MYH14: variants seen among roughly 807,000 people sequenced by gnomAD.
The protein encoded by MYH14 is myosin heavy chain 14.
MYH14 carries 123 observed loss-of-function variants against 255.5 expected under a neutral mutation model. The ratio of observed to expected loss-of-function variants is 0.48; its 90% CI spans 0.42 to 0.56. The LOEUF (loss-of-function observed/expected upper bound fraction) is 0.56, where lower values mean the gene tolerates loss of function less well. MYH14 is among the 20% of genes least tolerant of loss of function. MYH14 has a pLI of 0.00. For synonymous variants in MYH14, 1,095 were observed against 1,161.2 expected (o/e 0.94, Z 1.16); for missense variants, 2,423 against 2,802.3 (o/e 0.86, Z 3.06).
At chr19:50,209,282 C>T (rs376103189) in intron 1 of MYH14, among the ~76,000 whole-genome samples, 3 of 152,098 alleles carry the variant, frequency 2.0e-5, no homozygotes, top group Admixed American at 2.0e-4. Context: ...GTGGACAGCC[C>T]GGGGCTAGAA....
chr19:50,291,165 G>A (rs543147796), intron 36 of MYH14, 117 bp downstream of exon 36: 185 of 871,908 alleles, frequency 2.1e-4, no homozygotes, highest in Non-Finnish European at 2.9e-4. Context: ...GGCAGCATCC[G>A]CATGGGTCAG....
intron 17 of MYH14, among the ~76,000 whole-genome samples, chr19:50,256,152 G>A (rs920732332): frequency 5.3e-5 from 8 of 151,898 alleles, no homozygotes; most frequent in Non-Finnish European, 1.2e-4. Context: ...GGTGGTGTGC[G>A]CCTGTAGTCC....
rs745953192 is a variant in MYH14 at position 50,244,321 on chromosome 19, C to T, written c.1194C>T (p.Thr398=). The T allele has an allele frequency of 6.2e-7, 1 of 1,613,594 alleles. No homozygotes were observed. The highest frequency in any genetic ancestry group is 1.3e-5 in the African/African-American group (1 of 75,002). Residue 398 remains threonine, a synonymous_variant, in exon 11 of 43, where the codon ACC becomes ACT. Transcript: ENST00000642316. ...GAGAACGGAACACCGATCAAGCCACCATGCCTGACAACACAGGTACTGCCC... is the reference window on the plus strand; with the variant it reads ...GAGAACGGAACACCGATCAAGCCACTATGCCTGACAACACAGGTACTGCCC... ...LKRERNTDQA[T]MPDNTAAQKL...
rs1191592686 is a variant in MYH14, at chr19:50,252,753, G to A, written c.1945G>A (p.Glu649Lys). 4.4e-6 allele frequency: 7 copies of A among 1,576,770 alleles called. No individual in the cohort carries two copies. Among genetic ancestry groups the A allele is most frequent in the Non-Finnish European group, 6.0e-6 (7 of 1,160,928 alleles). ...DRLTAEIWKD[E>K]HGGFQQFSFL... The stretch of plus-strand genomic sequence containing the variant: ...GCTGACGGCAGAGATCTGGAAAGAC[G>A]GTGAGGACCCACTTCCCCCACCCCG... The change falls in exon 16 of 43, where the codon GAA (glutamate) becomes AAA (lysine). Residue 649 changes from glutamate (E) to lysine (K), a missense_variant and splice_region_variant. Physicochemically the swap from Glu to Lys is moderately conservative, Grantham distance 56. Coordinates refer to ENST00000642316, the MANE Select transcript of MYH14 (RefSeq NM_001145809.2). This position sits in a 1 kb window ranked among gnomAD's most constrained non-coding sequence, Gnocchi z 4.2.
Position 50,210,485 on chromosome 19 carries a change from T to G in MYH14, c.120T>G (p.Pro40=). The change falls in exon 2 of 43, where the codon CCT becomes CCG. Residue 40 remains proline, a synonymous_variant. Coordinates refer to ENST00000642316, the MANE Select transcript of MYH14 (RefSeq NM_001145809.2). ...GCGGGCCCAGCGCGGGTGGCGGGCCTGGCTCGGGCACCTCCCCGCAGGTGG... is the reference window on the plus strand; with the variant it reads ...GCGGGCCCAGCGCGGGTGGCGGGCCGGGCTCGGGCACCTCCCCGCAGGTGG... ...TPRGPSAGGG[P]GSGTSPQVEW... 2 of 1,553,626 alleles carry G rather than the reference T, an allele frequency of 1.3e-6. No individual in the cohort carries two copies. The highest frequency in any genetic ancestry group is 1.7e-6 in the Non-Finnish European group (2 of 1,150,428).
intron 1 of MYH14, 128 bp from the exon 2 acceptor site, chr19:50,210,235 T>C: frequency 1.2e-6 from 1 of 810,730 alleles, no homozygotes; most frequent in Non-Finnish European, 1.8e-6. Flanking sequence ...TAACCCACTT[T>C]GCAGAAGTAT....
chr19:50,295,488 A>G (rs1488267511), intron 39 of MYH14, among the ~76,000 whole-genome samples: 2 of 151,382 alleles, frequency 1.3e-5, no homozygotes, highest in Non-Finnish European at 2.9e-5. Flanking sequence ...CAAAAAATAT[A>G]TGTGAAATAA....
chr19:50,246,934 C>A, intron 11 of MYH14, 70 bp from the exon 12 acceptor site: 1 of 1,113,126 alleles, frequency 9.0e-7, no homozygotes. Context: ...GGAAACGGTA[C>A]CCTCTCCCTT....
At chr19:50,207,938 C>G (rs924839281) in intron 1 of MYH14, among the ~76,000 whole-genome samples, 9 of 152,212 alleles carry the variant, frequency 5.9e-5, no homozygotes, top group African/African-American at 1.9e-4. Flanking sequence ...CTTTGCACTG[C>G]TGTCTGGAAT....
intron 10 of MYH14, among the ~76,000 whole-genome samples, chr19:50,236,200 G>C (rs998697945): frequency 1.3e-5 from 2 of 151,972 alleles, no homozygotes; most frequent in African/African-American, 4.8e-5. Context: ...GGGCGTGGTG[G>C]TGTGCGCCTT....
At position 50,309,800 on chromosome 19, in the gene MYH14, G is replaced by C; in HGVS notation, c.*10G>C. On this transcript the variant is annotated 3_prime_UTR_variant, in exon 43 of 43. Coordinates refer to ENST00000642316, the MANE Select transcript of MYH14 (RefSeq NM_001145809.2). Reference sequence around the variant, plus strand: ...AGCCCACCCCCAGTGACCCTACCCTGTCCCCAGATGCACTAACAGATGGGG... The same window carrying C: ...AGCCCACCCCCAGTGACCCTACCCTCTCCCCAGATGCACTAACAGATGGGG... The C allele has an allele frequency of 1.3e-6, 2 of 1,544,522 alleles. No individual in the cohort carries two copies. The highest frequency in any genetic ancestry group is 2.4e-5 in the East Asian group (1 of 41,090).
intron 12 of MYH14, among the ~76,000 whole-genome samples, chr19:50,247,673 T>G (rs1245909732): frequency 2.0e-5 from 3 of 152,046 alleles, no homozygotes; most frequent in Non-Finnish European, 4.4e-5. Context: ...GCTCTAAGGA[T>G]GAAACATTCG....
chr19:50,280,762 G>T lies in MYH14; in HGVS notation c.4290+379G>T, dbSNP rs1036253847. On this transcript the variant is annotated intron_variant, in intron 32 of 42. Transcript: ENST00000642316. This position sits in a 1 kb window ranked among gnomAD's most constrained non-coding sequence, Gnocchi z 4.8. ...CCTCCTCTGCTCACAGCTCTCCCAC[G>T]CCTCCCCAGTACTCCTAGACAAAGT... 1.3e-5 allele frequency among the ~76,000 whole-genome samples: 2 copies of T among 152,042 alleles called. No homozygotes were observed. Among genetic ancestry groups the T allele is most frequent in the Admixed American group, 6.6e-5 (1 of 15,244 alleles).
intron 10 of MYH14, among the ~76,000 whole-genome samples, chr19:50,234,245 G>A (rs1269695992): frequency 2.6e-5 from 4 of 152,172 alleles, no homozygotes; most frequent in Non-Finnish European, 5.9e-5. Flanking sequence ...AGGGGGTGGT[G>A]TAGACATGAT....
rs113919604 is a variant in MYH14 at position 50,276,976 on chromosome 19, C to T, written c.3825+75C>T. The T allele has an allele frequency of 2.4e-4, 290 of 1,211,394 alleles. 2 individuals are homozygous for T. The African/African-American group carries it at 3.3e-3, about 14-fold the overall frequency. 75.0% of individuals were successfully genotyped at this position (1,211,394 alleles called of 1,614,324 possible). A position where few individuals can be genotyped will look rare whatever the true frequency, so the allele number is the denominator to read the frequency against. On this transcript the variant is annotated intron_variant, in intron 29 of 42. Coordinates refer to ENST00000642316, the MANE Select transcript of MYH14 (RefSeq NM_001145809.2). This position sits in a 1 kb window ranked among gnomAD's most constrained non-coding sequence, Gnocchi z 4.3. Reference sequence around the variant, plus strand: ...CAGGACGCGGGGTTGGAGGAGGTACCGCTGGCTGGTTCTAGGCTAGCTCAT... The same window carrying T: ...CAGGACGCGGGGTTGGAGGAGGTACTGCTGGCTGGTTCTAGGCTAGCTCAT...
chr19:50,289,131 G>A (rs933722178), intron 34 of MYH14, among the ~76,000 whole-genome samples: 24 of 152,100 alleles, frequency 1.6e-4, no homozygotes, highest in African/African-American at 5.6e-4. Flanking sequence ...AAAACTCAGA[G>A]GGAATAATCC....
chr19:50,278,064 C>T lies in MYH14; in HGVS notation c.3826-19C>T, dbSNP rs760900170. The T allele has an allele frequency of 1.7e-5, 26 of 1,523,472 alleles. No individual in the cohort carries two copies. Among genetic ancestry groups the T allele is most frequent in the Non-Finnish European group, 2.0e-5 (23 of 1,127,390 alleles). The allele number at this position is 1,523,472 out of a possible 1,614,324, so 94.4% of individuals were successfully genotyped here. A position where few individuals can be genotyped will look rare whatever the true frequency, so the allele number is the denominator to read the frequency against. ...AGGAAAGGCCTCATAGATCTTTGCT[C>T]ATCTCCTTCCCACACCAGGGCAAAG... On this transcript the variant is annotated intron_variant, in intron 29 of 42. Coordinates refer to ENST00000642316, the MANE Select transcript of MYH14 (RefSeq NM_001145809.2).
Position 50,278,004 on chromosome 19 carries a change from A to C in MYH14, c.3826-79A>C, listed in dbSNP as rs2035571208. On this transcript the variant is annotated intron_variant, in intron 29 of 42. Coordinates refer to ENST00000642316, the MANE Select transcript of MYH14 (RefSeq NM_001145809.2). ...CCAGGCAGAGGGAACAGCCAGTGCA[A>C]AGGCCCTGAGATGGGAGTGTGCCTG... The C allele has an allele frequency of 1.9e-5, 22 of 1,135,926 alleles. 1 individual carries two copies. The highest frequency in any genetic ancestry group is 2.5e-5 in the Non-Finnish European group (21 of 838,110). 70.4% of individuals were successfully genotyped at this position (1,135,926 alleles called of 1,614,324 possible).
chr19:50,265,129 T>C (rs2035034057), intron 22 of MYH14, among the ~76,000 whole-genome samples: 1 of 152,194 alleles, frequency 6.6e-6, no homozygotes, highest in African/African-American at 2.4e-5. Context: ...CACTGCGGCC[T>C]GTGGGCCAGA....
Sources: allele counts gnomAD v4.1 joint callset (sites outside exome capture counted in the v4.1 genomes callset), GRCh38; gene constraint gnomAD v4.1.1; non-coding constraint Gnocchi (gnomAD v3.1); transcripts MANE v1.5; gene names NCBI Gene and HGNC (gene_info 2026-07-23, HGNC 2026-07-21).